RIMBP2: variants seen among roughly 807,000 people sequenced by gnomAD.
The protein encoded by RIMBP2 is RIMS-binding protein 2.
RIMBP2 carries 48 observed loss-of-function variants against 118.6 expected under a neutral mutation model. That is an observed-to-expected ratio of 0.40 (90% CI 0.32 to 0.51). RIMBP2 has a LOEUF of 0.51. Among genes scored for constraint, RIMBP2 ranks in the 20% least tolerant of loss-of-function variants. RIMBP2 has a pLI of 0.41. For synonymous variants in RIMBP2, 762 were observed against 742.9 expected, an observed-to-expected ratio of 1.03 and a Z score of -0.42; for missense variants, 1,551 against 1,768.3, an observed-to-expected ratio of 0.88 and a Z score of 2.20.
rs1054302741 is a variant in RIMBP2 at position 130,620,306 on chromosome 12, C to T, written c.-217+8016G>A. Among the ~76,000 whole-genome samples, 2 of 152,034 alleles carry T rather than the reference C, an allele frequency of 1.3e-5. No individual in the cohort carries two copies. The highest frequency in any genetic ancestry group is 4.8e-5 in the African/African-American group (2 of 41,308). On this transcript the variant is annotated intron_variant, in intron 2 of 22. Transcript: ENST00000690449. This position sits in a 1 kb window ranked among gnomAD's most constrained non-coding sequence, Gnocchi z 5.3. ...AGCCAGAGCATGTCTCCCACTCCCT[C>T]CCACCCCAGGCGGGTCATCCTGCAG...
rs181143863 is a variant in RIMBP2 at position 130,523,209 on chromosome 12, G to C, written c.-216-5292C>G. On this transcript the variant is annotated intron_variant, in intron 2 of 22. Coordinates refer to ENST00000690449, the MANE Select transcript of RIMBP2 (RefSeq NM_001393629.1). This position sits in a 1 kb window ranked among gnomAD's most constrained non-coding sequence, Gnocchi z 4.4. ...TGTCTCTATTTCTCTGTGTTGGGGG[G>C]GGTTTCTCTGCCTCCATCTCTCTCT... is the stretch of plus-strand genomic sequence containing the variant. 1.6e-4 allele frequency among the ~76,000 whole-genome samples: 24 copies of C among 152,090 alleles called. No homozygotes were observed. The East Asian group carries it at 4.1e-3, about 26-fold the overall frequency.
intron 7 of RIMBP2, among the ~76,000 whole-genome samples, chr12:130,455,457 T>A (rs1306249669): frequency 6.6e-6 from 1 of 152,150 alleles, no homozygotes; most frequent in African/African-American, 2.4e-5. Context: ...GTGTCGTGAG[T>A]GCCTGGAGAT....
rs564589161 is a variant in RIMBP2 at position 130,655,195 on chromosome 12, C to T, written c.-351-26739G>A. On this transcript the variant is annotated intron_variant, in intron 1 of 22. Transcript: ENST00000690449. The stretch of plus-strand genomic sequence containing the variant: ...AGGACAAAGAGGAGTGTGCCCTAGG[C>T]GGGGCAGCAAAGGCCTCTCCAGCGT... Among the ~76,000 whole-genome samples, 5 of 152,274 alleles carry T rather than the reference C, an allele frequency of 3.3e-5. No homozygotes were observed. In the East Asian group the frequency reaches 5.8e-4, roughly 18 times the overall value.
At chr12:130,687,454 T>C (rs1461013287) in intron 1 of RIMBP2, among the ~76,000 whole-genome samples, 1 of 152,188 alleles carries the variant, frequency 6.6e-6, no homozygotes, top group Non-Finnish European at 1.5e-5. Context: ...CACGTTTCAC[T>C]GTATAATTAT....
chr12:130,399,887 T>C, intron 21 of RIMBP2, 74 bp from the exon 22 acceptor site: 1 of 1,521,992 alleles, frequency 6.6e-7, no homozygotes, highest in Middle Eastern at 2.0e-4. Flanking sequence ...GCTAAAGGAA[T>C]ACAGCTCAGA....
intron 3 of RIMBP2, among the ~76,000 whole-genome samples, chr12:130,515,820 C>T (rs2051393913): frequency 6.6e-6 from 1 of 152,098 alleles, no homozygotes; most frequent in South Asian, 2.1e-4. Flanking sequence ...GCCTCAGCCT[C>T]CCAAGTAGCT....
At chr12:130,602,414 G>C (rs1031529460) in intron 2 of RIMBP2, among the ~76,000 whole-genome samples, 16 of 152,200 alleles carry the variant, frequency 1.1e-4, no homozygotes, top group Non-Finnish European at 1.5e-5. Flanking sequence ...GAAGTTAGGA[G>C]GATGTGTCCC....
In RIMBP2 at chr12:130,431,457, T is replaced by C; in HGVS notation, c.2254-3120A>G. ...CCTAGCCAGACGCCATCTGTATGAT[T>C]AATGAATGTATTCTTTGAATTGAAT... On this transcript the variant is annotated intron_variant, in intron 14 of 22. Coordinates refer to ENST00000690449, the MANE Select transcript of RIMBP2 (RefSeq NM_001393629.1). This position sits in a 1 kb window ranked among gnomAD's most constrained non-coding sequence, Gnocchi z 4.0. 2.4e-6 allele frequency: 1 copy of C among 409,346 alleles called. No homozygotes were observed. The highest frequency in any genetic ancestry group is 7.3e-5 in the East Asian group (1 of 13,698). The allele number at this position is 409,346 out of a possible 1,614,324, so 25.4% of individuals were successfully genotyped here. A position where few individuals can be genotyped will look rare whatever the true frequency, so the allele number is the denominator to read the frequency against.
intron 1 of RIMBP2, among the ~76,000 whole-genome samples, chr12:130,716,013 C>T (rs1402741839): frequency 2.0e-5 from 3 of 152,156 alleles, no homozygotes; most frequent in Non-Finnish European, 2.9e-5. Flanking sequence ...GCAGCACCGA[C>T]ATGCCAGCAG....
At chr12:130,561,994 G>T (rs1458603155) in intron 2 of RIMBP2, among the ~76,000 whole-genome samples, 3 of 152,150 alleles carry the variant, frequency 2.0e-5, no homozygotes, top group Non-Finnish European at 2.9e-5. Context: ...CAGAAAAAAT[G>T]ACGGGAAAAC....
intron 2 of RIMBP2, among the ~76,000 whole-genome samples, chr12:130,585,533 GC>G (rs2058827936): frequency 6.6e-6 from 1 of 150,892 alleles, no homozygotes; most frequent in Non-Finnish European, 1.5e-5. Flanking sequence ...AACTGCTTGA[GC>G]CCAGTTGGGG....
intron 3 of RIMBP2, among the ~76,000 whole-genome samples, chr12:130,509,235 C>A (rs1293529290): frequency 2.0e-5 from 3 of 152,232 alleles, no homozygotes; most frequent in Admixed American, 2.0e-4. Context: ...ATGCTGAACA[C>A]CTTTCCTTCT....
rs561714379 is a variant in RIMBP2, at chr12:130,469,439, A to G, written c.153+1254T>C. Among the ~76,000 whole-genome samples, 2 of 152,160 alleles carry G rather than the reference A, an allele frequency of 1.3e-5. No homozygotes were observed. The highest frequency in any genetic ancestry group is 4.8e-5 in the African/African-American group (2 of 41,442). On this transcript the variant is annotated intron_variant, in intron 6 of 22. Transcript: ENST00000690449. This position sits in a 1 kb window ranked among gnomAD's most constrained non-coding sequence, Gnocchi z 4.8. Reference sequence around the variant, plus strand: ...GGGAGAGGCAACTACCTTTTCTGCCAGGAGACGATGCAAATTAAAGTGCGG... The same window carrying G: ...GGGAGAGGCAACTACCTTTTCTGCCGGGAGACGATGCAAATTAAAGTGCGG...
At position 130,428,123 on chromosome 12, in the gene RIMBP2, G is replaced by A. The variant is rs73150895; in HGVS notation, c.2412+56C>T. On this transcript the variant is annotated intron_variant, in intron 15 of 22. Transcript: ENST00000690449. ...GCCTCACCAGCCCCAGCAAAGGGAC[G>A]TGGATGGAGCTACTCTGGGGACGGA... 6.8e-3 allele frequency: 10,155 copies of A among 1,484,950 alleles called. 58 individuals carry two copies. The highest frequency in any genetic ancestry group is 7.6e-3 in the Non-Finnish European group (8,445 of 1,109,476). 92.0% of individuals were successfully genotyped at this position (1,484,950 alleles called of 1,614,324 possible).
At chr12:130,474,500 A>G (rs968607048) in intron 5 of RIMBP2, among the ~76,000 whole-genome samples, 3 of 152,212 alleles carry the variant, frequency 2.0e-5, no homozygotes, top group African/African-American at 7.2e-5. Flanking sequence ...AAGTGCCAAC[A>G]GGTGGAGGTG....
At position 130,450,254 on chromosome 12, in the gene RIMBP2, T is replaced by C. The variant is rs149169269; in HGVS notation, c.527A>G (p.Asn176Ser). Residue 176 changes from asparagine to serine, a missense_variant, in exon 9 of 23, where the codon AAT (asparagine) becomes AGT (serine). Physicochemically the swap from Asn to Ser is conservative, Grantham distance 46. This residue lies in a region of RIMBP2 where 239 missense variants were observed against 256.8 expected (regional missense o/e 0.93). Coordinates refer to ENST00000690449, the MANE Select transcript of RIMBP2 (RefSeq NM_001393629.1). The surrounding 1 kb of genome is among the most constrained non-coding windows in gnomAD (Gnocchi z 4.8). Reference protein sequence around the residue: ...ESDMENERNSNTSKQRYSGKV... With the variant: ...ESDMENERNSSTSKQRYSGKV... ...CCCCGAGTATCTCTGCTTGGAGGTA[T>C]TGGAATTCCGTTCATTCTCCATCTG... 3.5e-4 allele frequency: 563 copies of C among 1,609,026 alleles called. 4 individuals are homozygous for C. In the East Asian group the frequency reaches 9.9e-3, roughly 28 times the overall value.
At chr12:130,454,543 G>A (rs958408251) in intron 7 of RIMBP2, among the ~76,000 whole-genome samples, 1 of 152,216 alleles carries the variant, frequency 6.6e-6, no homozygotes, top group African/African-American at 2.4e-5. Flanking sequence ...CATGCCAGGC[G>A]ACCCCTGGTG....
intron 2 of RIMBP2, among the ~76,000 whole-genome samples, chr12:130,588,692 G>A (rs1330626571): frequency 6.6e-6 from 1 of 152,230 alleles, no homozygotes; most frequent in African/African-American, 2.4e-5. Flanking sequence ...AGCATTTGAG[G>A]ACATCTCCGC....
At chr12:130,427,245 C>T (rs1267239507) in intron 15 of RIMBP2, 1 of 152,252 alleles carries the variant, frequency 6.6e-6, no homozygotes, top group African/African-American at 2.4e-5. Flanking sequence ...GAAGCTTCGT[C>T]CCGGGGGATT....
Sources: allele counts gnomAD v4.1 joint callset (sites outside exome capture counted in the v4.1 genomes callset), GRCh38; gene constraint gnomAD v4.1.1; regional missense constraint gnomAD v4.1.1; non-coding constraint Gnocchi (gnomAD v3.1); transcripts MANE v1.5; gene names NCBI Gene and HGNC (gene_info 2026-07-23, HGNC 2026-07-21).